ESRRG: variants seen among roughly 807,000 people sequenced by gnomAD.
The protein encoded by ESRRG is estrogen-related receptor gamma.
A neutral mutation model predicts 44.0 loss-of-function variants in ESRRG; 13 were observed. The ratio of observed to expected loss-of-function variants is 0.30; its 90% CI spans 0.19 to 0.47. The LOEUF is 0.47. Among genes scored for constraint, ESRRG ranks in the 20% least tolerant of loss-of-function variants. ESRRG has a pLI of 1.00. For missense variants in ESRRG, 395 were observed against 580.6 expected (o/e 0.68, Z 3.29); for synonymous variants, 215 against 214.6 (o/e 1.00, Z -0.02).
At chr1:216,896,781 T>A (rs578104194) in intron 2 of ESRRG, among the ~76,000 whole-genome samples, 5 of 152,314 alleles carry the variant, frequency 3.3e-5, no homozygotes, top group Middle Eastern at 3.4e-3. Context: ...AATGAAAATG[T>A]AAGGTAAATA....
chr1:217,082,872 G>A lies in ESRRG; in HGVS notation c.-106+6635C>T, dbSNP rs1186175002. 3.3e-5 allele frequency among the ~76,000 whole-genome samples: 5 copies of A among 152,168 alleles called. No homozygotes were observed. The East Asian group carries it at 5.8e-4, about 18-fold the overall frequency. ...TACTGCTAATATTTCAGTATATCAG[G>A]GAAAGAAAAGCCATATACTTTGCAA... On this transcript the variant is annotated intron_variant, in intron 1 of 7. Transcript: ENST00000359162.
intron 5 of ESRRG, among the ~76,000 whole-genome samples, chr1:216,522,414 C>A (rs932404473): frequency 6.6e-6 from 1 of 150,548 alleles, no homozygotes; most frequent in Non-Finnish European, 1.5e-5. Flanking sequence ...AAAGGACAAT[C>A]TATGCCTTAC....
chr1:216,787,784 G>A (rs2094181256), intron 2 of ESRRG, among the ~76,000 whole-genome samples: 1 of 152,062 alleles, frequency 6.6e-6, no homozygotes, highest in African/African-American at 2.4e-5. Context: ...GCCAAGTTGT[G>A]AATGTAAAGC....
At chr1:217,034,024 G>T (rs562990487) in intron 1 of ESRRG, among the ~76,000 whole-genome samples, 1 of 152,242 alleles carries the variant, frequency 6.6e-6, no homozygotes, top group African/African-American at 2.4e-5. Context: ...CTTGATTTTT[G>T]ACTGCCCTTC....
chr1:216,568,150 CCAAT>C, intron 3 of ESRRG, 52 bp from the exon 4 acceptor site: 1 of 1,226,446 alleles, frequency 8.2e-7, no homozygotes, highest in South Asian at 1.2e-5. Flanking sequence ...ATGTTTGAGA[CCAAT>C]CAAATACCTA....
intron 2 of ESRRG, among the ~76,000 whole-genome samples, chr1:216,935,620 A>ATTTTTTTTT (rs368688184): frequency 6.8e-6 from 1 of 146,178 alleles, no homozygotes. Context: ...CAGTTTAGGA[A>ATTTTTTTTT]TTTTTTTTTT....
chr1:216,533,945 C>T (rs754955328), intron 5 of ESRRG, among the ~76,000 whole-genome samples: 4 of 152,106 alleles, frequency 2.6e-5, no homozygotes, highest in Non-Finnish European at 4.4e-5. Flanking sequence ...GTAATTCATC[C>T]TCAGCTGGAC....
At chr1:216,826,203 A>AC (rs1403344871) in intron 2 of ESRRG, among the ~76,000 whole-genome samples, 2 of 144,152 alleles carry the variant, frequency 1.4e-5, no homozygotes, top group African/African-American at 5.1e-5. Context: ...AAAAAAAAAA[A>AC]CACACACACA....
intron 1 of ESRRG, among the ~76,000 whole-genome samples, chr1:216,942,099 A>G (rs182528450): frequency 5.3e-4 from 80 of 150,060 alleles, no homozygotes; most frequent in Non-Finnish European, 9.5e-4. Flanking sequence ...CCCAGTGTCT[A>G]TTGTTCTCAT....
intron 1 of ESRRG, among the ~76,000 whole-genome samples, chr1:216,955,377 T>C (rs2818798): frequency 0.77 from 116,999 of 152,154 alleles, 45,392 homozygotes; most frequent in Middle Eastern, 0.89. Flanking sequence ...AAATCTCATT[T>C]TTTTTTATGG....
At chr1:216,949,815 C>CT (rs1219879139) in intron 1 of ESRRG, among the ~76,000 whole-genome samples, 4,036 of 142,746 alleles carry the variant, frequency 0.028, 159 homozygotes, top group African/African-American at 0.089. Flanking sequence ...TTTTTCCAAA[C>CT]TTTTTTTTTT....
At chr1:217,122,854 T>A (rs1295795603) in intron 1 of ESRRG, among the ~76,000 whole-genome samples, 3 of 151,868 alleles carry the variant, frequency 2.0e-5, no homozygotes, top group Non-Finnish European at 4.4e-5. Context: ...TTTTTCTTTT[T>A]TTTTATTTTT....
rs144848582 is a variant in ESRRG, at chr1:216,506,516, A to ATT, written c.*421_*422dup. On this transcript the variant is annotated 3_prime_UTR_variant, in exon 7 of 7. Transcript: ENST00000408911. ...AGGGAAAGGAAAGGGGGAAGGGAGGATTTTTTTTTAAACTAAAGCTATTTC... is the reference window on the plus strand; with the variant it reads ...AGGGAAAGGAAAGGGGGAAGGGAGGATTTTTTTTTTTAAACTAAAGCTATTTC... The ATT allele has an allele frequency of 3.8e-4, 145 of 381,464 alleles. No homozygotes were observed. Among genetic ancestry groups the ATT allele is most frequent in the East Asian group, 3.3e-3 (40 of 12,024 alleles). The allele number at this position is 381,464 out of a possible 1,614,324, so 23.6% of individuals were successfully genotyped here.
rs1439041271 is a variant in ESRRG, at chr1:216,679,630, T to TTC, written c.57-2140_57-2139insGA. 9.6e-4 allele frequency among the ~76,000 whole-genome samples: 128 copies of TTC among 133,100 alleles called. 2 individuals carry two copies. Among genetic ancestry groups the TTC allele is most frequent in the East Asian group, 8.5e-3 (41 of 4,844 alleles). 87.3% of individuals were successfully genotyped at this position (133,100 alleles called of 152,430 possible). On this transcript the variant is annotated intron_variant, in intron 1 of 6. Coordinates refer to ENST00000408911, the MANE Select transcript of ESRRG (RefSeq NM_001438.4). ...CCGTTTTTTAATTTGGAATTTTTTT[T>TTC]TTCTTTTTTTTTTTTTTATCCAGAG...
At chr1:217,007,456 G>A (rs1289257479) in intron 1 of ESRRG, among the ~76,000 whole-genome samples, 1 of 152,112 alleles carries the variant, frequency 6.6e-6, no homozygotes, top group Non-Finnish European at 1.5e-5. Flanking sequence ...CACTGTTATG[G>A]TGCTGTTGGA....
chr1:216,881,095 T>C (rs1244719464), intron 2 of ESRRG, among the ~76,000 whole-genome samples: 10 of 152,228 alleles, frequency 6.6e-5, no homozygotes, highest in Admixed American at 5.2e-4. Context: ...TACTTTTATG[T>C]ACATTACATG....
intron 5 of ESRRG, among the ~76,000 whole-genome samples, chr1:216,544,493 C>T (rs1420696283): frequency 6.6e-6 from 1 of 152,074 alleles, no homozygotes; most frequent in Non-Finnish European, 1.5e-5. Context: ...CCCAAACCCA[C>T]ATTACACAGC....
chr1:216,970,753 A>C (rs2071465002), intron 1 of ESRRG, among the ~76,000 whole-genome samples: 1 of 152,206 alleles, frequency 6.6e-6, no homozygotes, highest in South Asian at 2.1e-4. Flanking sequence ...GTTCACAAAT[A>C]TTTGAATGTC....
chr1:217,093,535 C>T (rs988177344), upstream of ESRRG, among the ~76,000 whole-genome samples: 2 of 152,098 alleles, frequency 1.3e-5, no homozygotes, highest in Admixed American at 1.3e-4. Flanking sequence ...GTAATCCCAG[C>T]ACTTCAGGAG....
Sources: gnomAD v4.1 joint callset for allele counts (sites outside exome capture counted in the v4.1 genomes callset) on GRCh38, gnomAD v4.1.1 for gene constraint, MANE v1.5 for transcripts, NCBI Gene and HGNC (gene_info 2026-07-23, HGNC 2026-07-21) for gene names.